Variants in NUP133 observed in about 807,000 individuals in gnomAD.
The protein encoded by NUP133 is nuclear pore complex protein Nup133.
Under a neutral mutation model 146.2 loss-of-function variants are expected in NUP133, and 66 were observed. That is an observed-to-expected ratio of 0.45 (90% CI 0.37 to 0.55). NUP133 has a LOEUF of 0.55. Among genes scored for constraint, NUP133 ranks in the 20% least tolerant of loss-of-function variants. The probability of loss-of-function intolerance (pLI) is 0.00; values close to 1 mark genes in which losing one functional copy is unlikely to be tolerated. For missense variants in NUP133, 1,277 were observed against 1,374.8 expected, an observed-to-expected ratio of 0.93 and a Z score of 1.12; for synonymous variants, 521 against 498.8, an observed-to-expected ratio of 1.04 and a Z score of -0.59.
chr1:229,495,938 C>G lies in NUP133; in HGVS notation c.929G>C (p.Trp310Ser). 6.2e-7 allele frequency: 1 copy of G among 1,610,506 alleles called. No homozygotes were observed. The highest frequency in any genetic ancestry group is 2.2e-5 in the East Asian group (1 of 44,720). The change falls in exon 7 of 26, where the codon TGG (tryptophan) becomes TCG (serine). Residue 310 changes from tryptophan (W) to serine (S), a missense_variant. Trp to Ser is a radical substitution (Grantham distance 177). This residue lies in a region of NUP133 where 952 missense variants were observed against 1,047.0 expected (regional missense o/e 0.91). Transcript: ENST00000261396. The stretch of plus-strand genomic sequence containing the variant: ...TTCCTTCAGGGCTCTATTTATATCC[C>G]AACTGTATGCATGCTTTTCTGAAGA... Reference protein sequence around the residue: ...DDSSEKHAYSWDINRALKENI... With the variant: ...DDSSEKHAYSSDINRALKENI...
rs2102762354 is a variant in NUP133 at position 229,470,439 on chromosome 1, T to C, written c.2076+141A>G. Reference sequence around the variant, plus strand: ...TCAATGAGACTTCTGAGTGACACTCTAGCCAGAAAATCTGGAGTCCAATTT... The same window carrying C: ...TCAATGAGACTTCTGAGTGACACTCCAGCCAGAAAATCTGGAGTCCAATTT... On this transcript the variant is annotated intron_variant, in intron 15 of 25. Transcript: ENST00000261396. 6 of 696,018 alleles carry C rather than the reference T, an allele frequency of 8.6e-6. 1 individual carries two copies. The highest frequency in any genetic ancestry group is 5.6e-5 in the South Asian group (3 of 53,452). The allele number at this position is 696,018 out of a possible 1,614,324, so 43.1% of individuals were successfully genotyped here.
At chr1:229,499,252 T>C (rs975711315) in intron 5 of NUP133, 4 of 471,160 alleles carry the variant, frequency 8.5e-6, no homozygotes, top group Admixed American at 2.3e-5. Flanking sequence ...CCATTCTTTA[T>C]AGTGTCTGAC....
chr1:229,449,873 ATTTTTTTTTTTTT>A (rs71281043), intron 23 of NUP133, among the ~76,000 whole-genome samples: 1 of 85,806 alleles, frequency 1.2e-5, no homozygotes, highest in Admixed American at 1.5e-4. Flanking sequence ...ATATATATAT[ATTTTTTTTTTTTT>A]TTTTTTTTTT....
intron 12 of NUP133, among the ~76,000 whole-genome samples, chr1:229,477,991 A>G (rs1475253785): frequency 6.6e-6 from 1 of 152,316 alleles, no homozygotes; most frequent in East Asian, 1.9e-4. Context: ...AAAGTAACTA[A>G]GAGCATAATT....
intron 4 of NUP133, among the ~76,000 whole-genome samples, chr1:229,500,483 T>C (rs1449132008): frequency 6.6e-6 from 1 of 152,338 alleles, no homozygotes; most frequent in South Asian, 2.1e-4. Flanking sequence ...ACACTATGCA[T>C]TGATACAGAG....
In NUP133 at chr1:229,448,428, C is replaced by CAAAATAAA. The variant is rs575378206; in HGVS notation, c.3245+690_3245+697dup. ...GGGCAACAAGAGCTAAACTCTGTCTCAAAATAAAAAAATAAAAAAATAAAA... is the reference window on the plus strand; with the variant it reads ...GGGCAACAAGAGCTAAACTCTGTCTCAAAATAAAAAAATAAAAAAATAAAAAAATAAAA... On this transcript the variant is annotated intron_variant, in intron 24 of 25. Coordinates refer to ENST00000261396, the MANE Select transcript of NUP133 (RefSeq NM_018230.3). 7.0e-4 allele frequency among the ~76,000 whole-genome samples: 106 copies of CAAAATAAA among 151,472 alleles called. 1 individual carries two copies. Among genetic ancestry groups the CAAAATAAA allele is most frequent in the Admixed American group, 1.8e-3 (28 of 15,198 alleles).
Position 229,449,209 on chromosome 1 carries a change from A to C in NUP133, c.3181-19T>G. The C allele has an allele frequency of 1.3e-6, 2 of 1,540,212 alleles. No individual in the cohort carries two copies. The highest frequency in any genetic ancestry group is 1.1e-5 in the South Asian group (1 of 87,438). On this transcript the variant is annotated intron_variant, in intron 23 of 25. Transcript: ENST00000261396. ...CTTCTTCCTTCACAGCAAAACAAAA[A>C]AAATCCTGATTAAATCCTGGCTCTG...
At chr1:229,475,090 C>T (rs902846218) in intron 14 of NUP133, among the ~76,000 whole-genome samples, 2 of 151,636 alleles carry the variant, frequency 1.3e-5, no homozygotes, top group Non-Finnish European at 2.9e-5. Flanking sequence ...CAACAGAGTG[C>T]CCTGTCTCAA....
intron 8 of NUP133, among the ~76,000 whole-genome samples, chr1:229,492,552 C>T (rs1661553908): frequency 6.6e-6 from 1 of 152,092 alleles, no homozygotes; most frequent in Non-Finnish European, 1.5e-5. Flanking sequence ...GCTCATTTTC[C>T]TTCTTCACGG....
In NUP133 at chr1:229,508,110, A is replaced by G. The variant is rs1026789841; in HGVS notation, c.140T>C (p.Val47Ala). 2 of 1,556,910 alleles carry G rather than the reference A, an allele frequency of 1.3e-6. No individual in the cohort carries two copies. Among genetic ancestry groups the G allele is most frequent in the African/African-American group, 1.4e-5 (1 of 71,614 alleles). Residue 47 changes from valine to alanine, a missense_variant, in exon 1 of 26, where the codon GTG (valine) becomes GCG (alanine). This residue lies in a region of NUP133 where 319 missense variants were observed against 306.9 expected (regional missense o/e 1.04). Transcript: ENST00000261396. ...ACGCCGGCCGACCGGCGAGAAGAGC[A>G]CTGGGGAGCTGACTGCAGACCCCAG... ...LPLGSAVSSP[V>A]LFSPVGRRSS...
Position 229,498,135 on chromosome 1 carries a change from C to G in NUP133, c.819+1G>C. On this transcript the variant is annotated splice_donor_variant, in intron 6 of 25. Transcript: ENST00000261396. LOFTEE classifies it high-confidence loss of function. Reference sequence around the variant, plus strand: ...GTAAAATAGTTATTTTATAAACTTACTGTGAGATCACTACTAGGAGATAAA... The same window carrying G: ...GTAAAATAGTTATTTTATAAACTTAGTGTGAGATCACTACTAGGAGATAAA... The G allele has an allele frequency of 6.4e-7, 1 of 1,568,108 alleles. No homozygotes were observed. The highest frequency in any genetic ancestry group is 8.6e-7 in the Non-Finnish European group (1 of 1,160,614).
intron 4 of NUP133, 32 bp downstream of exon 4, chr1:229,500,724 A>C (rs763240572): frequency 2.2e-6 from 3 of 1,345,008 alleles, no homozygotes. Flanking sequence ...TGTTGTAAAA[A>C]GTTTATTTAA....
chr1:229,443,723 ATTTTTTTTTT>A (rs71561738), intron 25 of NUP133, among the ~76,000 whole-genome samples: 15 of 116,162 alleles, frequency 1.3e-4, no homozygotes, highest in African/African-American at 5.5e-4. Flanking sequence ...CACATATATA[ATTTTTTTTTT>A]TTTTTTTTTT....
rs372148079 is a variant in NUP133, at chr1:229,463,565, T to C, written c.2663A>G (p.Tyr888Cys). 2.5e-6 allele frequency: 4 copies of C among 1,613,932 alleles called. No homozygotes were observed. Among genetic ancestry groups the C allele is most frequent in the African/African-American group, 1.3e-5 (1 of 74,894 alleles). ...QTDNQSRLQR[Y>C]MTQFADQNFS... ...CACCTGATCAGCAAACTGGGTCATG[T>C]AGCGCTGGAGTCGGCTCTGGTTGTC... The change falls in exon 19 of 26, where the codon TAC becomes TGC. Residue 888 changes from tyrosine to cysteine, a missense_variant. Transcript: ENST00000261396.
chr1:229,496,346 C>T (rs1284152118), intron 6 of NUP133, among the ~76,000 whole-genome samples: 1 of 152,052 alleles, frequency 6.6e-6, no homozygotes, highest in Non-Finnish European at 1.5e-5. Flanking sequence ...TGGTGGCACA[C>T]GCCTGTAGTC....
At chr1:229,483,407 C>CTTTAATATTA (rs1661264740) in intron 12 of NUP133, among the ~76,000 whole-genome samples, 1 of 152,068 alleles carries the variant, frequency 6.6e-6, no homozygotes, top group Non-Finnish European at 1.5e-5. Flanking sequence ...GGCCATAATT[C>CTTTAATATTA]TTTAATATTA....
intron 22 of NUP133, among the ~76,000 whole-genome samples, chr1:229,451,982 T>C (rs374455739): frequency 1.3e-5 from 2 of 152,220 alleles, no homozygotes; most frequent in Middle Eastern, 3.2e-3. Flanking sequence ...ATGGCTAAAA[T>C]GCTAATGTAT....
At chr1:229,450,738 T>TG (rs112386964) in intron 22 of NUP133, 133 bp from the exon 23 acceptor site, 73,920 of 471,334 alleles carry the variant, frequency 0.16, 5,992 homozygotes, top group Middle Eastern at 0.22. Context: ...TTTGTTTGTT[T>TG]TTTTTGAGAC....
intron 9 of NUP133, among the ~76,000 whole-genome samples, chr1:229,488,675 A>AT (rs199698627): frequency 6.2e-4 from 93 of 150,946 alleles, no homozygotes; most frequent in South Asian, 6.1e-3. Flanking sequence ...AAGAGTAAGG[A>AT]TCAAAAAAAA....
Sources: gnomAD v4.1 joint callset for allele counts (sites outside exome capture counted in the v4.1 genomes callset) on GRCh38, gnomAD v4.1.1 for gene constraint, gnomAD v4.1.1 regional missense constraint, MANE v1.5 for transcripts, NCBI Gene and HGNC (gene_info 2026-07-23, HGNC 2026-07-21) for gene names.